The following KCNA2 variants were observed in gnomAD, a reference collection of about 807,000 sequenced individuals.
KCNA2 encodes the protein potassium channel, voltage gated shaker related subfamily A, member 2.
Under a neutral mutation model 33.4 loss-of-function variants are expected in KCNA2, and 11 were observed. The observed-to-expected ratio is 0.33, with a 90% CI of 0.21 to 0.55. The LOEUF (loss-of-function observed/expected upper bound fraction) is 0.55, where lower values mean the gene tolerates loss of function less well. Among genes scored for constraint, KCNA2 ranks in the 20% least tolerant of loss-of-function variants. The pLI is 0.93. For missense variants in KCNA2, 291 were observed against 621.6 expected (o/e 0.47, Z 5.66); for synonymous variants, 222 against 231.3 (o/e 0.96, Z 0.37).
chr1:110,611,505 G>A (rs1296581662), intron 1 of KCNA2, among the ~76,000 whole-genome samples: 1 of 152,200 alleles, frequency 6.6e-6, no homozygotes, highest in South Asian at 2.1e-4. Context: ...GAGGTGGGAG[G>A]ATTGCTTGAG....
chr1:110,602,190 T>G lies in KCNA2; in HGVS notation c.*1093A>C. 1 of 1,550,008 alleles carries G rather than the reference T, an allele frequency of 6.5e-7. No homozygotes were observed. The highest frequency in any genetic ancestry group is 8.7e-7 in the Non-Finnish European group (1 of 1,146,862). Reference sequence around the variant, plus strand: ...GCGTTCCTGTTTAGAAGAACAGGGATAGGTAGGCTGGGGGGCCAGAAGTTT... The same window carrying G: ...GCGTTCCTGTTTAGAAGAACAGGGAGAGGTAGGCTGGGGGGCCAGAAGTTT... On this transcript the variant is annotated 3_prime_UTR_variant, in exon 3 of 3. Transcript: ENST00000316361.
chr1:110,610,793 G>A (rs1380200896), upstream of KCNA2, among the ~76,000 whole-genome samples: 3 of 152,154 alleles, frequency 2.0e-5, no homozygotes, highest in African/African-American at 7.2e-5. Flanking sequence ...TGGTGCTGGT[G>A]ATTAACTGTT....
Position 110,596,811 on chromosome 1 carries a change from C to A in KCNA2, c.*6472G>T, listed in dbSNP as rs1376589696. On this transcript the variant is annotated 3_prime_UTR_variant, in exon 3 of 3. Coordinates refer to ENST00000316361, the MANE Select transcript of KCNA2 (RefSeq NM_004974.4). The stretch of plus-strand genomic sequence containing the variant: ...TCCCTGAGGTTTCCCCATCAGTTAA[C>A]TGAGGTTTTGCTGTACATATGTGTA... The A allele has an allele frequency of 1.0e-6, 1 of 985,274 alleles. No individual in the cohort carries two copies. The highest frequency in any genetic ancestry group is 1.7e-5 in the African/African-American group (1 of 57,226). 61.0% of individuals were successfully genotyped at this position (985,274 alleles called of 1,614,324 possible).
At chr1:110,623,082 A>C (rs938899578) in intron 1 of KCNA2, among the ~76,000 whole-genome samples, 3 of 152,250 alleles carry the variant, frequency 2.0e-5, no homozygotes, top group African/African-American at 4.8e-5. Context: ...ACAAGGCTGC[A>C]GTAATAAAAA....
rs199750388 is a variant in KCNA2, at chr1:110,594,305, ATACATATATATATATATG to A, written c.*8960_*8977del. The A allele has an allele frequency of 4.4e-6, 4 of 917,316 alleles. No homozygotes were observed. Among genetic ancestry groups the A allele is most frequent in the Admixed American group, 6.5e-5 (1 of 15,374 alleles). 56.8% of individuals were successfully genotyped at this position (917,316 alleles called of 1,614,324 possible). A position where few individuals can be genotyped will look rare whatever the true frequency, so the allele number is the denominator to read the frequency against. Reference sequence around the variant, plus strand: ...TCTCTCTCTCTCTCTATATATATATATACATATATATATATATGTGTGTGTATATATATATACACACAC... The same window carrying A: ...TCTCTCTCTCTCTCTATATATATATATGTGTGTATATATATATACACACAC... On this transcript the variant is annotated 3_prime_UTR_variant, in exon 3 of 3. Coordinates refer to ENST00000316361, the MANE Select transcript of KCNA2 (RefSeq NM_004974.4).
At chr1:110,616,651 C>T (rs1650076357) in intron 1 of KCNA2, among the ~76,000 whole-genome samples, 1 of 152,188 alleles carries the variant, frequency 6.6e-6, no homozygotes, top group South Asian at 2.1e-4. Context: ...GTGCTATGTT[C>T]ACTCCCATTC....
In KCNA2 at chr1:110,604,545, G is replaced by A. The variant is rs1448937059; in HGVS notation, c.238C>T (p.Arg80Trp). The change falls in exon 3 of 3, where the codon CGG becomes TGG. Residue 80 changes from arginine (R) to tryptophan (W), a missense_variant. Around this residue, in one of 5 missense-constraint regions of KCNA2, gnomAD observed 163 missense variants for 273.5 expected, o/e 0.60. Coordinates refer to ENST00000316361, the MANE Select transcript of KCNA2 (RefSeq NM_004974.4). This position sits in a 1 kb window ranked among gnomAD's most constrained non-coding sequence, Gnocchi z 7.6. Reference sequence around the variant, plus strand: ...ATGGCATCAAAGCTAGGGCGGTTCCGATCGAAAAAGTACTCATTTCGGAGG... The same window carrying A: ...ATGGCATCAAAGCTAGGGCGGTTCCAATCGAAAAAGTACTCATTTCGGAGG... Reference protein sequence around the residue: ...DPLRNEYFFDRNRPSFDAILY... With the variant: ...DPLRNEYFFDWNRPSFDAILY... The A allele has an allele frequency of 3.1e-6, 5 of 1,614,044 alleles. No homozygotes were observed. Among genetic ancestry groups the A allele is most frequent in the African/African-American group, 1.3e-5 (1 of 74,928 alleles).
At position 110,601,804 on chromosome 1, in the gene KCNA2, G is replaced by A. The variant is rs1238158433; in HGVS notation, c.*1479C>T. On this transcript the variant is annotated 3_prime_UTR_variant, in exon 3 of 3. Coordinates refer to ENST00000316361, the MANE Select transcript of KCNA2 (RefSeq NM_004974.4). Reference sequence around the variant, plus strand: ...TATATATATATATATATGTGTGTGTGTGTGTGTGTGTGTGTGTGTGTGTGT... The same window carrying A: ...TATATATATATATATATGTGTGTGTATGTGTGTGTGTGTGTGTGTGTGTGT... 45 of 1,247,076 alleles carry A rather than the reference G, an allele frequency of 3.6e-5. No individual in the cohort carries two copies. Among genetic ancestry groups the A allele is most frequent in the African/African-American group, 9.4e-5 (6 of 63,548 alleles). 77.3% of individuals were successfully genotyped at this position (1,247,076 alleles called of 1,614,324 possible). A position where few individuals can be genotyped will look rare whatever the true frequency, so the allele number is the denominator to read the frequency against.
intron 1 of KCNA2, among the ~76,000 whole-genome samples, chr1:110,611,943 G>A (rs72681743): frequency 0.17 from 26,036 of 152,148 alleles, 3,154 homozygotes; most frequent in East Asian, 0.41. Context: ...GATCAGCTGA[G>A]CCCCAGCGCG....
intron 1 of KCNA2, among the ~76,000 whole-genome samples, chr1:110,631,005 C>A (rs1416944986): frequency 6.6e-6 from 1 of 152,224 alleles, no homozygotes; most frequent in East Asian, 1.9e-4. Flanking sequence ...GTCTCAAGCA[C>A]AGGTCTGGCC....
chr1:110,613,329 T>G (rs1314965031), intron 1 of KCNA2, among the ~76,000 whole-genome samples: 1 of 152,234 alleles, frequency 6.6e-6, no homozygotes, highest in African/African-American at 2.4e-5. Context: ...CACGCAGTCT[T>G]CCACTAGGTG....
chr1:110,594,071 CTTACGAAGCT>C lies in KCNA2; in HGVS notation c.*9202_*9211del. The C allele has an allele frequency of 6.9e-7, 1 of 1,449,026 alleles. No homozygotes were observed. The highest frequency in any genetic ancestry group is 9.1e-7 in the Non-Finnish European group (1 of 1,104,790). 89.8% of individuals were successfully genotyped at this position (1,449,026 alleles called of 1,614,324 possible). On this transcript the variant is annotated 3_prime_UTR_variant, in exon 3 of 3. Coordinates refer to ENST00000316361, the MANE Select transcript of KCNA2 (RefSeq NM_004974.4). ...ACCCCAGTTCCCTTTCGGCATCATC[CTTACGAAGCT>C]TTACCATCAGCCTTGGAGTTCCTTC...
rs1433798413 is a variant in KCNA2 at position 110,595,833 on chromosome 1, T to A, written c.*7450A>T. ...GGCAGAGATGTGCTTTAGTTCTTCA[T>A]TGGAATGTTACTTTCAGATCTCACA... On this transcript the variant is annotated 3_prime_UTR_variant, in exon 3 of 3. Transcript: ENST00000316361. 4 of 985,452 alleles carry A rather than the reference T, an allele frequency of 4.1e-6. No individual in the cohort carries two copies. Among genetic ancestry groups the A allele is most frequent in the Non-Finnish European group, 4.8e-6 (4 of 829,930 alleles). 61.0% of individuals were successfully genotyped at this position (985,452 alleles called of 1,614,324 possible). A position where few individuals can be genotyped will look rare whatever the true frequency, so the allele number is the denominator to read the frequency against.
chr1:110,597,444 G>T lies in KCNA2; in HGVS notation c.*5839C>A. The T allele has an allele frequency of 2.0e-6, 2 of 985,460 alleles. No homozygotes were observed. Among genetic ancestry groups the T allele is most frequent in the Non-Finnish European group, 2.4e-6 (2 of 829,946 alleles). 61.0% of individuals were successfully genotyped at this position (985,460 alleles called of 1,614,324 possible). On this transcript the variant is annotated 3_prime_UTR_variant, in exon 3 of 3. Transcript: ENST00000316361. The stretch of plus-strand genomic sequence containing the variant: ...GGATTTTCATGCCTAGAGGTTGTAA[G>T]GATGCTGTATGACAGCAGGCAGAAA...
At position 110,602,197 on chromosome 1, in the gene KCNA2, G is replaced by T. The variant is rs1366435700; in HGVS notation, c.*1086C>A. The T allele has an allele frequency of 6.5e-7, 1 of 1,549,454 alleles. No homozygotes were observed. Among genetic ancestry groups the T allele is most frequent in the East Asian group, 2.4e-5 (1 of 40,904 alleles). On this transcript the variant is annotated 3_prime_UTR_variant, in exon 3 of 3. Transcript: ENST00000316361. ...TGTTTAGAAGAACAGGGATAGGTAG[G>T]CTGGGGGGCCAGAAGTTTTAGTTCC...
intron 1 of KCNA2, among the ~76,000 whole-genome samples, chr1:110,611,905 C>T (rs1471904468): frequency 6.6e-6 from 1 of 152,018 alleles, no homozygotes; most frequent in Non-Finnish European, 1.5e-5. Flanking sequence ...GCCTGTAGAC[C>T]CAGCTACTCA....
chr1:110,615,994 A>T (rs998567816), intron 1 of KCNA2, among the ~76,000 whole-genome samples: 1 of 152,198 alleles, frequency 6.6e-6, no homozygotes, highest in Non-Finnish European at 1.5e-5. Context: ...ACCAGATGGG[A>T]GGAGAAAAGA....
chr1:110,596,813 G>A lies in KCNA2; in HGVS notation c.*6470C>T, dbSNP rs1389271371. On this transcript the variant is annotated 3_prime_UTR_variant, in exon 3 of 3. Coordinates refer to ENST00000316361, the MANE Select transcript of KCNA2 (RefSeq NM_004974.4). ...CCTGAGGTTTCCCCATCAGTTAACT[G>A]AGGTTTTGCTGTACATATGTGTATA... The A allele has an allele frequency of 3.0e-6, 3 of 985,292 alleles. No individual in the cohort carries two copies. The highest frequency in any genetic ancestry group is 3.6e-6 in the Non-Finnish European group (3 of 829,948). 61.0% of individuals were successfully genotyped at this position (985,292 alleles called of 1,614,324 possible).
chr1:110,601,473 G>C lies in KCNA2; in HGVS notation c.*1810C>G. ...GAGGTGAAAATGGAGATGATGAACA[G>C]GATGAACTGTAGAGAGGAGGCCCGG... On this transcript the variant is annotated 3_prime_UTR_variant, in exon 3 of 3. Coordinates refer to ENST00000316361, the MANE Select transcript of KCNA2 (RefSeq NM_004974.4). 1.2e-5 allele frequency: 12 copies of C among 985,778 alleles called. No individual in the cohort carries two copies. The highest frequency in any genetic ancestry group is 1.4e-5 in the Non-Finnish European group (12 of 830,172). The allele number at this position is 985,778 out of a possible 1,614,324, so 61.1% of individuals were successfully genotyped here.
Sources: allele counts gnomAD v4.1 joint callset (sites outside exome capture counted in the v4.1 genomes callset), GRCh38; gene constraint gnomAD v4.1.1; regional missense constraint gnomAD v4.1.1; non-coding constraint Gnocchi (gnomAD v3.1); transcripts MANE v1.5; gene names NCBI Gene and HGNC (gene_info 2026-07-23, HGNC 2026-07-21).